Variants in FER observed in about 807,000 individuals in gnomAD.
FER encodes the protein tyrosine-protein kinase Fer.
FER carries 63 observed loss-of-function variants against 111.0 expected under a neutral mutation model. The observed-to-expected ratio is 0.57, with a 90% CI of 0.46 to 0.70. The LOEUF is 0.70. Among genes scored for constraint, FER ranks in the 30% least tolerant of loss-of-function variants. The pLI, the probability that FER is intolerant of heterozygous loss-of-function variation, is 0.00. For missense variants in FER, 914 were observed against 954.0 expected, an observed-to-expected ratio of 0.96 and a Z score of 0.55; for synonymous variants, 327 against 313.9, an observed-to-expected ratio of 1.04 and a Z score of -0.44.
At chr5:109,180,543 G>A (rs951920160) in intron 17 of FER, among the ~76,000 whole-genome samples, 1 of 152,128 alleles carries the variant, frequency 6.6e-6, no homozygotes, top group Non-Finnish European at 1.5e-5. Context: ...TAGAAAACTA[G>A]CATGTGGCCT....
At chr5:109,075,576 A>T (rs570761966) in intron 16 of FER, among the ~76,000 whole-genome samples, 1 of 152,050 alleles carries the variant, frequency 6.6e-6, no homozygotes, top group South Asian at 2.1e-4. Flanking sequence ...GGTGCCTGCC[A>T]CCACACCCGG....
At chr5:109,049,505 T>A (rs1332523170) in intron 16 of FER, among the ~76,000 whole-genome samples, 2 of 152,212 alleles carry the variant, frequency 1.3e-5, no homozygotes, top group Non-Finnish European at 1.5e-5. Flanking sequence ...GCCTGCTAAA[T>A]CCTTCAAGTA....
At chr5:109,099,535 TGTAGA>T (rs1021880560) in intron 16 of FER, among the ~76,000 whole-genome samples, 3 of 151,344 alleles carry the variant, frequency 2.0e-5, no homozygotes, top group African/African-American at 4.9e-5. Context: ...GTATCATAAA[TGTAGA>T]GTAAATATAT....
chr5:108,798,468 G>A (rs1225774929), intron 3 of FER, 79 bp downstream of exon 3: 2 of 1,072,986 alleles, frequency 1.9e-6, no homozygotes, highest in Non-Finnish European at 2.8e-6. Context: ...ACTATTGAAT[G>A]AGCATACTTA....
intron 17 of FER, among the ~76,000 whole-genome samples, chr5:109,149,765 T>A (rs1034276644): frequency 6.6e-6 from 1 of 152,178 alleles, no homozygotes; most frequent in African/African-American, 2.4e-5. Flanking sequence ...GAATAAAATT[T>A]CCAGGAACAG....
At chr5:108,886,916 C>G (rs1212086064) in intron 9 of FER, among the ~76,000 whole-genome samples, 3 of 151,652 alleles carry the variant, frequency 2.0e-5, no homozygotes, top group Non-Finnish European at 4.4e-5. Context: ...TTTTGCTAAA[C>G]ACATAGTCTG....
intron 13 of FER, among the ~76,000 whole-genome samples, chr5:108,970,485 G>GC (rs2149695800): frequency 6.6e-6 from 1 of 152,200 alleles, no homozygotes; most frequent in East Asian, 1.9e-4. Context: ...CTCCCAAAGT[G>GC]CTGGGATTAC....
At chr5:109,147,298 A>T (rs1754329499) in intron 17 of FER, among the ~76,000 whole-genome samples, 1 of 152,044 alleles carries the variant, frequency 6.6e-6, no homozygotes, top group African/African-American at 2.4e-5. Context: ...GTGAATAAGG[A>T]TATGGGAAAA....
intron 15 of FER, among the ~76,000 whole-genome samples, chr5:109,046,142 C>T (rs1187136872): frequency 1.3e-5 from 2 of 152,112 alleles, no homozygotes; most frequent in Non-Finnish European, 2.9e-5. Context: ...TCTGCTTCAG[C>T]TGAAGTCTCT....
At chr5:108,920,163 A>C (rs1158901195) in intron 10 of FER, among the ~76,000 whole-genome samples, 1 of 152,074 alleles carries the variant, frequency 6.6e-6, no homozygotes, top group Non-Finnish European at 1.5e-5. Context: ...AAATTTCTGA[A>C]ATTGAGGTAT....
intron 17 of FER, among the ~76,000 whole-genome samples, chr5:109,175,952 C>G (rs1380425041): frequency 6.6e-6 from 1 of 151,936 alleles, no homozygotes; most frequent in East Asian, 1.9e-4. Context: ...GCACTCCAGC[C>G]CAGGCGACAG....
intron 8 of FER, among the ~76,000 whole-genome samples, chr5:108,879,034 G>C (rs2150270428): frequency 6.6e-6 from 1 of 151,842 alleles, no homozygotes; most frequent in Non-Finnish European, 1.5e-5. Flanking sequence ...GGATTATAAG[G>C]GTGTTATAAG....
At position 109,047,096 on chromosome 5, in the gene FER, TC is replaced by T. The variant is rs764736693; in HGVS notation, c.1830-7del. On this transcript the variant is annotated splice_polypyrimidine_tract_variant and splice_region_variant and intron_variant, in intron 15 of 19. Coordinates refer to ENST00000281092, the MANE Select transcript of FER (RefSeq NM_005246.4). ...TGATAACTATTCGTATATTTTCATC[TC>T]ATCTAGAATTCTCAAGCAATATGAT... is the stretch of plus-strand genomic sequence containing the variant. The T allele has an allele frequency of 2.8e-6, 4 of 1,450,232 alleles. No individual in the cohort carries two copies. Among genetic ancestry groups the T allele is most frequent in the Admixed American group, 1.9e-5 (1 of 53,454 alleles). 89.8% of individuals were successfully genotyped at this position (1,450,232 alleles called of 1,614,324 possible). A position where few individuals can be genotyped will look rare whatever the true frequency, so the allele number is the denominator to read the frequency against.
At chr5:109,094,707 C>A (rs1747265018) in intron 16 of FER, among the ~76,000 whole-genome samples, 1 of 152,160 alleles carries the variant, frequency 6.6e-6, no homozygotes, top group South Asian at 2.1e-4. Flanking sequence ...TCCAATAAAA[C>A]TTTATTCACA....
intron 13 of FER, among the ~76,000 whole-genome samples, chr5:108,965,985 A>T (rs1216645982): frequency 6.6e-6 from 1 of 152,162 alleles, no homozygotes; most frequent in Non-Finnish European, 1.5e-5. Context: ...ATTTAATAAC[A>T]CCCAGACTGA....
chr5:109,040,948 A>G (rs533044912), intron 14 of FER, among the ~76,000 whole-genome samples: 96 of 152,260 alleles, frequency 6.3e-4, no homozygotes, highest in African/African-American at 2.3e-3. Context: ...ATATAGGGAC[A>G]AGAGCCCAGA....
chr5:109,014,410 C>T (rs1031137499), intron 13 of FER, among the ~76,000 whole-genome samples: 24 of 152,134 alleles, frequency 1.6e-4, no homozygotes, highest in Non-Finnish European at 5.9e-5. Flanking sequence ...GGCCTTATTT[C>T]TGAGGGCTCT....
At chr5:109,116,298 G>A (rs1377235932) in intron 17 of FER, among the ~76,000 whole-genome samples, 5 of 151,952 alleles carry the variant, frequency 3.3e-5, no homozygotes, top group Non-Finnish European at 4.4e-5. Context: ...TAGTAGTACT[G>A]ACTCTAGACT....
intron 10 of FER, among the ~76,000 whole-genome samples, chr5:108,931,784 T>A (rs1754714643): frequency 6.6e-6 from 1 of 151,742 alleles, no homozygotes; most frequent in Non-Finnish European, 1.5e-5. Flanking sequence ...GAGCCAAGAA[T>A]GCACCATTGC....
Sources: gnomAD v4.1 joint callset for allele counts (sites outside exome capture counted in the v4.1 genomes callset) on GRCh38, gnomAD v4.1.1 for gene constraint, MANE v1.5 for transcripts, NCBI Gene and HGNC (gene_info 2026-07-23, HGNC 2026-07-21) for gene names.